ASIC2: variants seen among roughly 807,000 people sequenced by gnomAD.
ASIC2 encodes the protein acid-sensing ion channel 2.
Under a neutral mutation model 57.3 loss-of-function variants are expected in ASIC2, and 25 were observed. That is an observed-to-expected ratio of 0.44 (90% confidence interval 0.32 to 0.61). The LOEUF is 0.61. ASIC2 is among the 20% of genes least tolerant of loss of function. The pLI is 0.06. For synonymous variants in ASIC2, 319 were observed against 307.5 expected (o/e 1.04, Z -0.39); for missense variants, 641 against 738.1 (o/e 0.87, Z 1.52).
intron 1 of ASIC2, among the ~76,000 whole-genome samples, chr17:33,485,393 G>C (rs960716399): frequency 6.6e-6 from 1 of 152,236 alleles, no homozygotes; most frequent in African/African-American, 2.4e-5. Context: ...CCAAGAAGGG[G>C]AGGCTGAGAC....
At chr17:33,390,320 CA>C (rs796828558) in intron 1 of ASIC2, among the ~76,000 whole-genome samples, 5 of 150,420 alleles carry the variant, frequency 3.3e-5, no homozygotes, top group South Asian at 4.2e-4. Flanking sequence ...CCCCCTTCCT[CA>C]AAAAAAAAGA....
At chr17:33,237,584 G>A (rs1246301034) in intron 1 of ASIC2, among the ~76,000 whole-genome samples, 3 of 151,950 alleles carry the variant, frequency 2.0e-5, no homozygotes, top group Admixed American at 2.0e-4. Context: ...TCCCGACCTC[G>A]GCCTCCCAAA....
At chr17:34,137,977 C>T (rs1031287570) in intron 1 of ASIC2, among the ~76,000 whole-genome samples, 1 of 152,156 alleles carries the variant, frequency 6.6e-6, no homozygotes, top group Non-Finnish European at 1.5e-5. Context: ...ATTTAGACCC[C>T]TTTGCACCCA....
intron 1 of ASIC2, among the ~76,000 whole-genome samples, chr17:33,698,207 G>T (rs535850303): frequency 3.3e-5 from 5 of 152,156 alleles, no homozygotes; most frequent in South Asian, 2.1e-4. Context: ...CATTAGGAAT[G>T]AATCCCTATA....
chr17:33,223,118 G>T (rs1216888907), intron 1 of ASIC2, among the ~76,000 whole-genome samples: 1 of 152,126 alleles, frequency 6.6e-6, no homozygotes, highest in African/African-American at 2.4e-5. Flanking sequence ...TGTTCTCACA[G>T]AACTGAACCA....
At chr17:33,353,659 G>A (rs1042335952) in intron 1 of ASIC2, among the ~76,000 whole-genome samples, 2 of 152,016 alleles carry the variant, frequency 1.3e-5, no homozygotes, top group Non-Finnish European at 2.9e-5. Flanking sequence ...ATTCTTTAAG[G>A]CCCAGCCAAA....
At chr17:33,824,695 C>T (rs1197842546) in intron 1 of ASIC2, among the ~76,000 whole-genome samples, 1 of 152,110 alleles carries the variant, frequency 6.6e-6, no homozygotes, top group Non-Finnish European at 1.5e-5. Context: ...CTTTCCTGTG[C>T]TATTCTTGTG....
chr17:33,320,514 A>C (rs1257162431), intron 1 of ASIC2, among the ~76,000 whole-genome samples: 3 of 152,186 alleles, frequency 2.0e-5, no homozygotes, highest in Non-Finnish European at 4.4e-5. Context: ...AGCCAGTTGG[A>C]GACAGAGCTG....
At chr17:33,453,371 C>T (rs1912335442) in intron 1 of ASIC2, among the ~76,000 whole-genome samples, 1 of 151,894 alleles carries the variant, frequency 6.6e-6, no homozygotes, top group Admixed American at 6.6e-5. Flanking sequence ...GGAAATATTC[C>T]TCTCCTACAT....
chr17:33,242,659 C>A (rs319759), intron 1 of ASIC2, among the ~76,000 whole-genome samples: 1 of 152,084 alleles, frequency 6.6e-6, no homozygotes, highest in African/African-American at 2.4e-5. Flanking sequence ...AGAGTAATCC[C>A]GAGACGTCCG....
At chr17:34,017,866 T>C (rs1907024569) in intron 1 of ASIC2, among the ~76,000 whole-genome samples, 1 of 152,176 alleles carries the variant, frequency 6.6e-6, no homozygotes, top group Non-Finnish European at 1.5e-5. Flanking sequence ...AAAGAAACCA[T>C]CTCCTTGTAT....
At chr17:34,068,388 T>G (rs1034126832) in intron 1 of ASIC2, among the ~76,000 whole-genome samples, 2 of 152,164 alleles carry the variant, frequency 1.3e-5, no homozygotes, top group Non-Finnish European at 2.9e-5. Flanking sequence ...TTGATCACCT[T>G]AGCAGGAGGA....
intron 1 of ASIC2, among the ~76,000 whole-genome samples, chr17:33,675,670 C>T (rs561485789): frequency 9.2e-5 from 14 of 152,322 alleles, no homozygotes; most frequent in African/African-American, 2.9e-4. Context: ...CTCCCAGGCT[C>T]AAGCCATCCT....
chr17:33,691,239 C>A (rs1314555974), intron 1 of ASIC2, among the ~76,000 whole-genome samples: 1 of 152,082 alleles, frequency 6.6e-6, no homozygotes, highest in Non-Finnish European at 1.5e-5. Flanking sequence ...GTGCTGAATA[C>A]CTAGCAAAAT....
intron 1 of ASIC2, among the ~76,000 whole-genome samples, chr17:33,334,286 A>C (rs1470358089): frequency 6.6e-6 from 1 of 152,214 alleles, no homozygotes; most frequent in East Asian, 1.9e-4. Flanking sequence ...ATAGATAATG[A>C]AACTGAGGCT....
At chr17:33,187,246 A>G (rs1482488904) in intron 1 of ASIC2, among the ~76,000 whole-genome samples, 1 of 152,160 alleles carries the variant, frequency 6.6e-6, no homozygotes, top group Non-Finnish European at 1.5e-5. Flanking sequence ...CGAACAACCA[A>G]CGCTTCAAAA....
intron 1 of ASIC2, among the ~76,000 whole-genome samples, chr17:33,681,236 T>C (rs977515465): frequency 6.6e-6 from 1 of 152,218 alleles, no homozygotes; most frequent in African/African-American, 2.4e-5. Flanking sequence ...CTCCCCTTAT[T>C]CATAATTGGT....
intron 1 of ASIC2, among the ~76,000 whole-genome samples, chr17:33,836,740 C>A (rs1913284917): frequency 6.6e-6 from 1 of 152,090 alleles, no homozygotes; most frequent in Admixed American, 6.5e-5. Context: ...GTAATCCCAG[C>A]TACTCAGGAG....
At position 33,013,658 on chromosome 17, in the gene ASIC2, G is replaced by T; in HGVS notation, c.*307C>A. 2 of 389,168 alleles carry T rather than the reference G, an allele frequency of 5.1e-6. No homozygotes were observed. Among genetic ancestry groups the T allele is most frequent in the South Asian group, 3.3e-5 (1 of 30,124 alleles). The allele number at this position is 389,168 out of a possible 1,614,324, so 24.1% of individuals were successfully genotyped here. ...CATGTACAAGACAGACGTGGAGGTG[G>T]CGCCACAAGAAGTCTGAGCATGCAG... On this transcript the variant is annotated 3_prime_UTR_variant, in exon 10 of 10. Coordinates refer to ENST00000225823, the MANE Select transcript of ASIC2 (RefSeq NM_183377.2).
Sources: allele counts gnomAD v4.1 joint callset (sites outside exome capture counted in the v4.1 genomes callset), GRCh38; gene constraint gnomAD v4.1.1; transcripts MANE v1.5; gene names NCBI Gene and HGNC (gene_info 2026-07-23, HGNC 2026-07-21).